The following NARS2 variants were observed in gnomAD, a reference collection of about 807,000 sequenced individuals.
The protein encoded by NARS2 is asparaginyl-tRNA synthetase.
Under a neutral mutation model 62.9 loss-of-function variants are expected in NARS2, and 60 were observed. The ratio of observed to expected loss-of-function variants is 0.95; its 90% confidence interval spans 0.77 to 1.18. The LOEUF is 1.18. Among genes scored for constraint, NARS2 ranks in the 50% most tolerant of loss-of-function variants. The pLI is 0.00. For missense variants in NARS2, 619 were observed against 576.4 expected, an observed-to-expected ratio of 1.07 and a Z score of -0.76; for synonymous variants, 196 against 200.0, an observed-to-expected ratio of 0.98 and a Z score of 0.17.
chr11:78,463,805 CAAG>C (rs1858497670), intron 11 of NARS2, among the ~76,000 whole-genome samples: 1 of 147,388 alleles, frequency 6.8e-6, no homozygotes, highest in African/African-American at 2.5e-5. Flanking sequence ...GACGGTCAGA[CAAG>C]AGCTGAGACA....
chr11:78,521,805 A>AG (rs1386492654), intron 6 of NARS2, among the ~76,000 whole-genome samples: 6 of 151,384 alleles, frequency 4.0e-5, no homozygotes, highest in Non-Finnish European at 8.8e-5. Flanking sequence ...AAAAAAAAAA[A>AG]AAAAGAAAAG....
intron 5 of NARS2, among the ~76,000 whole-genome samples, chr11:78,541,282 A>C (rs935853891): frequency 6.6e-5 from 10 of 152,108 alleles, no homozygotes; most frequent in African/African-American, 2.2e-4. Context: ...CAGTTGTAGA[A>C]TCCAGGTTTC....
Position 78,566,259 on chromosome 11 carries a change from T to G in NARS2, c.386A>C (p.Lys129Thr). 1 of 1,589,264 alleles carries G rather than the reference T, an allele frequency of 6.3e-7. No individual in the cohort carries two copies. The highest frequency in any genetic ancestry group is 1.4e-5 in the African/African-American group (1 of 74,038). The change falls in exon 4 of 14, where the codon AAA becomes ACA. Residue 129 changes from lysine (K) to threonine (T), a missense_variant. Lys to Thr is a moderately conservative substitution (Grantham distance 78, BLOSUM62 -1). Transcript: ENST00000281038. Reference protein sequence around the residue: ...GNCDAKDFPIKYKERHPLEYL... With the variant: ...GNCDAKDFPITYKERHPLEYL... The stretch of plus-strand genomic sequence containing the variant: ...CTCCAGAGGATGCCTCTCTTTATAT[T>G]TGATGGGGAAATCCTGCCAATAAAT...
At chr11:78,450,385 A>G (rs1037904757) in intron 11 of NARS2, among the ~76,000 whole-genome samples, 21 of 152,260 alleles carry the variant, frequency 1.4e-4, no homozygotes, top group East Asian at 7.7e-4. Flanking sequence ...CCACTACTAT[A>G]TCTTTACTTG....
At chr11:78,570,992 G>A (rs970879876) in intron 2 of NARS2, among the ~76,000 whole-genome samples, 1 of 152,200 alleles carries the variant, frequency 6.6e-6, no homozygotes, top group African/African-American at 2.4e-5. Context: ...CAGGAACTAT[G>A]AAAGACAAGA....
intron 5 of NARS2, among the ~76,000 whole-genome samples, chr11:78,530,350 C>G (rs1371386271): frequency 6.6e-6 from 1 of 152,162 alleles, no homozygotes; most frequent in Non-Finnish European, 1.5e-5. Context: ...ATTTATAAGA[C>G]TACCATACTT....
intron 5 of NARS2, among the ~76,000 whole-genome samples, chr11:78,538,943 C>T (rs887821315): frequency 6.6e-5 from 8 of 121,610 alleles, no homozygotes; most frequent in African/African-American, 1.3e-4. Flanking sequence ...TGCAGTGAGC[C>T]GAGATCGCGC....
intron 5 of NARS2, among the ~76,000 whole-genome samples, chr11:78,551,358 G>T (rs1856102626): frequency 6.6e-6 from 1 of 152,114 alleles, no homozygotes; most frequent in Non-Finnish European, 1.5e-5. Flanking sequence ...TTTGGCAATT[G>T]TAACACAATG....
chr11:78,548,683 G>C (rs75674086), intron 5 of NARS2, among the ~76,000 whole-genome samples: 3,625 of 152,240 alleles, frequency 0.024, 133 homozygotes, highest in African/African-American at 0.082. Flanking sequence ...GATCGTGGTG[G>C]TAAAAAGTAG....
intron 12 of NARS2, among the ~76,000 whole-genome samples, chr11:78,441,442 C>T (rs1167970008): frequency 2.0e-5 from 3 of 152,038 alleles, no homozygotes; most frequent in African/African-American, 4.8e-5. Context: ...CAGGGTGCAG[C>T]GGCTCCTGCC....
At chr11:78,476,097 G>A (rs1859083329) in intron 9 of NARS2, among the ~76,000 whole-genome samples, 1 of 152,224 alleles carries the variant, frequency 6.6e-6, no homozygotes, top group South Asian at 2.1e-4. Context: ...GCTAGGTGGG[G>A]TGGCTGCCCT....
chr11:78,473,724 T>C (rs1858971378), intron 9 of NARS2, among the ~76,000 whole-genome samples: 1 of 152,256 alleles, frequency 6.6e-6, no homozygotes, highest in South Asian at 2.1e-4. Flanking sequence ...CTAAAGCAGA[T>C]ATACTTCTAC....
intron 6 of NARS2, among the ~76,000 whole-genome samples, chr11:78,523,046 G>A (rs902675530): frequency 6.6e-6 from 1 of 152,054 alleles, no homozygotes; most frequent in African/African-American, 2.4e-5. Flanking sequence ...TTTAATAAAG[G>A]ACTTGTATGC....
At chr11:78,455,884 C>A (rs4944200) in intron 11 of NARS2, among the ~76,000 whole-genome samples, 39,312 of 149,180 alleles carry the variant, frequency 0.26, 5,850 homozygotes, top group East Asian at 0.41. Flanking sequence ...GGCACATACT[C>A]GATAAACATT....
chr11:78,535,942 G>C (rs950788410), intron 5 of NARS2, among the ~76,000 whole-genome samples: 7 of 151,844 alleles, frequency 4.6e-5, no homozygotes, highest in Non-Finnish European at 7.4e-5. Context: ...TGGTTATTTT[G>C]CATCTCAGAA....
At chr11:78,550,031 A>T (rs1856038534) in intron 5 of NARS2, among the ~76,000 whole-genome samples, 2 of 152,218 alleles carry the variant, frequency 1.3e-5, no homozygotes, top group Non-Finnish European at 2.9e-5. Flanking sequence ...CAACATCCTT[A>T]GTCATGTTAA....
chr11:78,496,936 A>T (rs1860083342), intron 6 of NARS2, among the ~76,000 whole-genome samples: 1 of 152,138 alleles, frequency 6.6e-6, no homozygotes, highest in South Asian at 2.1e-4. Context: ...TCTTCCACAG[A>T]CATGAAAGCC....
At position 78,458,917 on chromosome 11, in the gene NARS2, G is replaced by T. The variant is rs565765248; in HGVS notation, c.1164+6959C>A. Among the ~76,000 whole-genome samples the T allele has an allele frequency of 1.4e-3, 217 of 149,790 alleles. 1 individual carries two copies. The highest frequency in any genetic ancestry group is 4.1e-3 in the African/African-American group (166 of 40,948). The stretch of plus-strand genomic sequence containing the variant: ...AGATCTGATGGTGGGTTTTTTTTTT[G>T]TTTGTTTGTTTGTTTTTTTGAGATG... On this transcript the variant is annotated intron_variant, in intron 11 of 13. Coordinates refer to ENST00000281038, the MANE Select transcript of NARS2 (RefSeq NM_024678.6).
intron 12 of NARS2, 138 bp from the exon 13 acceptor site, chr11:78,441,255 A>G (rs1300003854): frequency 1.5e-6 from 1 of 675,910 alleles, no homozygotes; most frequent in Non-Finnish European, 2.5e-6. Flanking sequence ...AGTAATACTC[A>G]ATATAGTTGA....
Sources: allele counts gnomAD v4.1 joint callset (sites outside exome capture counted in the v4.1 genomes callset), GRCh38; gene constraint gnomAD v4.1.1; transcripts MANE v1.5; gene names NCBI Gene and HGNC (gene_info 2026-07-23, HGNC 2026-07-21).